The following LRP1 variants were observed in gnomAD, a reference collection of about 807,000 sequenced individuals.
The protein encoded by LRP1 is prolow-density lipoprotein receptor-related protein 1.
LRP1 carries 51 observed loss-of-function variants against 541.5 expected under a neutral mutation model. The ratio of observed to expected loss-of-function variants is 0.09; its 90% CI spans 0.08 to 0.12. LRP1 has a LOEUF of 0.12. Ranked by LOEUF, LRP1 falls within the 10% of genes least tolerant of loss-of-function variation. The probability of loss-of-function intolerance (pLI) is 1.00; values close to 1 mark genes in which losing one functional copy is unlikely to be tolerated. For missense variants in LRP1, 3,878 were observed against 6,376.2 expected (o/e 0.61, Z 13.34); for synonymous variants, 2,219 against 2,470.8 (o/e 0.90, Z 3.02).
Position 57,193,887 on chromosome 12 carries a change from G to A in LRP1, c.7805-12G>A. On this transcript the variant is annotated splice_polypyrimidine_tract_variant and intron_variant, in intron 47 of 88. Transcript: ENST00000243077. Reference sequence around the variant, plus strand: ...ACTCTGGCCTGACGATACGGGGCGGGCACTGTTCTAGAGACAGCCTGTGGT... The same window carrying A: ...ACTCTGGCCTGACGATACGGGGCGGACACTGTTCTAGAGACAGCCTGTGGT... 1 of 1,611,770 alleles carries A rather than the reference G, an allele frequency of 6.2e-7. No homozygotes were observed. Among genetic ancestry groups the A allele is most frequent in the Non-Finnish European group, 8.5e-7 (1 of 1,178,220 alleles).
At chr12:57,144,705 G>A in intron 4 of LRP1, 1 of 490,368 alleles carries the variant, frequency 2.0e-6, no homozygotes, top group Non-Finnish European at 3.7e-6. Flanking sequence ...GTTCACTGAT[G>A]CACCCCTGGC....
At position 57,165,869 on chromosome 12, in the gene LRP1, C is replaced by A; in HGVS notation, c.2595C>A (p.Arg865=). Residue 865 remains arginine (R), a synonymous_variant, in exon 16 of 89, where the codon CGC becomes CGA. Transcript: ENST00000243077. The surrounding 1 kb of genome is among the most constrained non-coding windows in gnomAD (Gnocchi z 4.5). ...GCGAGTTTGCCTGTGCCAACAGCCG[C>A]TGCATCCAGGAGCGCTGGAAGTGTG... is the stretch of plus-strand genomic sequence containing the variant. The part of the protein sequence containing the change: ...QPGEFACANS[R]CIQERWKCDG... 6.2e-7 allele frequency: 1 copy of A among 1,614,242 alleles called. No individual in the cohort carries two copies. Among genetic ancestry groups the A allele is most frequent in the Non-Finnish European group, 8.5e-7 (1 of 1,180,046 alleles).
Position 57,190,981 on chromosome 12 carries a change from G to A in LRP1, c.7208G>A (p.Arg2403Gln), listed in dbSNP as rs1357101794. ...GACGCCACCCTGGACAAGATCGAGC[G>A]GTGCGAGTATGACGGCTCCCACCGC... is the stretch of plus-strand genomic sequence containing the variant. ...FSDATLDKIERCEYDGSHRYV... is the reference protein window; with the variant it reads ...FSDATLDKIEQCEYDGSHRYV... Residue 2403 changes from arginine to glutamine, a missense_variant, in exon 43 of 89, where the codon CGG becomes CAG. Transcript: ENST00000243077. 4 of 1,612,060 alleles carry A rather than the reference G, an allele frequency of 2.5e-6. No individual in the cohort carries two copies. The highest frequency in any genetic ancestry group is 1.1e-5 in the South Asian group (1 of 91,066).
intron 53 of LRP1, 36 bp downstream of exon 53, chr12:57,195,816 C>G: frequency 6.2e-7 from 1 of 1,614,084 alleles, no homozygotes; most frequent in Non-Finnish European, 8.5e-7. Context: ...AGGCCCTGCC[C>G]TCTGCCGGGC....
chr12:57,190,845 A>C lies in LRP1; in HGVS notation c.7072A>C (p.Ile2358Leu). The change falls in exon 43 of 89, where the codon ATC becomes CTC. Residue 2358 changes from isoleucine to leucine, a missense_variant. Ile to Leu is a conservative substitution (Grantham distance 5). Coordinates refer to ENST00000243077, the MANE Select transcript of LRP1 (RefSeq NM_002332.3). ...CAACTGGAATGAGCAGCATCCCAGC[A>C]TCATGCGGGCGGCGCTCTCGGGAGC... ...WTNWNEQHPSIMRAALSGANV... is the reference protein window; with the variant it reads ...WTNWNEQHPSLMRAALSGANV... 6.2e-7 allele frequency: 1 copy of C among 1,613,952 alleles called. No individual in the cohort carries two copies. Among genetic ancestry groups the C allele is most frequent in the South Asian group, 1.1e-5 (1 of 91,086 alleles).
Position 57,156,817 on chromosome 12 carries a change from G to A in LRP1, c.1458G>A (p.Pro486=), listed in dbSNP as rs138966453. 651 of 1,609,352 alleles carry A rather than the reference G, an allele frequency of 4.0e-4. 2 individuals are homozygous for A. Among genetic ancestry groups the A allele is most frequent in the South Asian group, 2.2e-3 (199 of 90,814 alleles). ...GTGAAAACGACCAGTATGGGAAGCC[G>A]GGTGGCTGCTCTGACATCTGCCTGC... The part of the protein sequence containing the change: ...HACENDQYGK[P]GGCSDICLLA... The change falls in exon 10 of 89, where the codon CCG becomes CCA. Residue 486 remains proline (P), a synonymous_variant. Coordinates refer to ENST00000243077, the MANE Select transcript of LRP1 (RefSeq NM_002332.3). This position sits in a 1 kb window ranked among gnomAD's most constrained non-coding sequence, Gnocchi z 5.2.
At chr12:57,166,845 A>C in intron 17 of LRP1, 85 bp from the exon 18 acceptor site, 1 of 758,610 alleles carries the variant, frequency 1.3e-6, no homozygotes, top group Non-Finnish European at 2.3e-6. Flanking sequence ...AATAAGGGAC[A>C]CCAAAGGCAG....
chr12:57,200,828 CCG>C lies in LRP1; in HGVS notation c.10225+15_10225+16del. 1.3e-6 allele frequency: 1 copy of C among 773,830 alleles called. No homozygotes were observed. The highest frequency in any genetic ancestry group is 2.0e-6 in the Non-Finnish European group (1 of 497,830). The allele number at this position is 773,830 out of a possible 1,614,324, so 47.9% of individuals were successfully genotyped here. On this transcript the variant is annotated intron_variant, in intron 64 of 88. Transcript: ENST00000243077. ...GAGGCCAACTGTGGTAAGGCGCTGC[CCG>C]CCCACCCTCCCTCCTTCCCCAGCAT... is the stretch of plus-strand genomic sequence containing the variant.
rs199849391 is a variant in LRP1, at chr12:57,212,300, C to T, written c.13494+39C>T. On this transcript the variant is annotated intron_variant, in intron 88 of 88. Coordinates refer to ENST00000243077, the MANE Select transcript of LRP1 (RefSeq NM_002332.3). The surrounding 1 kb of genome is among the most constrained non-coding windows in gnomAD (Gnocchi z 5.0). The stretch of plus-strand genomic sequence containing the variant: ...CGGGCAGGGTCGAGTGCCAAGAGGC[C>T]GTGGGTGGCCTAACCAAAGGTGTTG... The T allele has an allele frequency of 9.3e-6, 15 of 1,611,540 alleles. No individual in the cohort carries two copies. The highest frequency in any genetic ancestry group is 4.5e-5 in the East Asian group (2 of 44,848).
rs34702781 is a variant in LRP1 at position 57,137,241 on chromosome 12, C to CAA, written c.68-1203_68-1202dup. ...GGGCAACAAGAGCAAAACTCTGTCTCAAAAAAAAAAAAAAAACAACAGAGT... is the reference window on the plus strand; with the variant it reads ...GGGCAACAAGAGCAAAACTCTGTCTCAAAAAAAAAAAAAAAAAACAACAGAGT... On this transcript the variant is annotated intron_variant, in intron 1 of 88. Coordinates refer to ENST00000243077, the MANE Select transcript of LRP1 (RefSeq NM_002332.3). Among the ~76,000 whole-genome samples, 229 of 101,016 alleles carry CAA rather than the reference C, an allele frequency of 2.3e-3. 2 individuals are homozygous for CAA. Among genetic ancestry groups the CAA allele is most frequent in the South Asian group, 5.4e-3 (18 of 3,312 alleles). 66.3% of individuals were successfully genotyped at this position (101,016 alleles called of 152,430 possible). A position where few individuals can be genotyped will look rare whatever the true frequency, so the allele number is the denominator to read the frequency against.
At chr12:57,191,268 CT>C in intron 43 of LRP1, 51 bp from the exon 44 acceptor site, 1 of 1,526,074 alleles carries the variant, frequency 6.6e-7, no homozygotes, top group Admixed American at 1.9e-5. Context: ...CCGGTGGAGA[CT>C]GGGCAAGAGG....
Position 57,193,310 on chromosome 12 carries a change from G to C in LRP1, c.7684+6G>C. Reference sequence around the variant, plus strand: ...TGAGAAGCCATCCTACTGCAGTAAGGAGCCCCCTGCAGCCCCTGCCTCTTC... The same window carrying C: ...TGAGAAGCCATCCTACTGCAGTAAGCAGCCCCCTGCAGCCCCTGCCTCTTC... On this transcript the variant is annotated splice_donor_region_variant and intron_variant, in intron 46 of 88. Coordinates refer to ENST00000243077, the MANE Select transcript of LRP1 (RefSeq NM_002332.3). 1 of 1,609,986 alleles carries C rather than the reference G, an allele frequency of 6.2e-7. No homozygotes were observed. The highest frequency in any genetic ancestry group is 8.5e-7 in the Non-Finnish European group (1 of 1,179,966).
chr12:57,183,250 G>C lies in LRP1; in HGVS notation c.5663-129G>C. The C allele has an allele frequency of 1.9e-6, 2 of 1,070,310 alleles. No homozygotes were observed. The highest frequency in any genetic ancestry group is 4.5e-5 in the Admixed American group (2 of 44,078). 66.3% of individuals were successfully genotyped at this position (1,070,310 alleles called of 1,614,324 possible). A position where few individuals can be genotyped will look rare whatever the true frequency, so the allele number is the denominator to read the frequency against. ...CCTCAGGCTAGGGTGTGTGTGCTGG[G>C]TGGAGGATAGGGATGATGGTGGGGG... On this transcript the variant is annotated intron_variant, in intron 34 of 88. Transcript: ENST00000243077. This position sits in a 1 kb window ranked among gnomAD's most constrained non-coding sequence, Gnocchi z 6.1.
Position 57,211,044 on chromosome 12 carries a change from G to A in LRP1, c.12917-132G>A. 1 of 1,375,388 alleles carries A rather than the reference G, an allele frequency of 7.3e-7. No individual in the cohort carries two copies. The allele number at this position is 1,375,388 out of a possible 1,614,324, so 85.2% of individuals were successfully genotyped here. On this transcript the variant is annotated intron_variant, in intron 83 of 88. Coordinates refer to ENST00000243077, the MANE Select transcript of LRP1 (RefSeq NM_002332.3). This position sits in a 1 kb window ranked among gnomAD's most constrained non-coding sequence, Gnocchi z 4.3. ...AAGCTGCTGGCGCTTCCCCACAAAG[G>A]TGCTGGCACACTTCCCCTGAGGCAG...
In LRP1 at chr12:57,206,607, G is replaced by A. The variant is rs139727127; in HGVS notation, c.11725G>A (p.Val3909Ile). The change falls in exon 76 of 89, where the codon GTC (valine) becomes ATC (isoleucine). Residue 3909 changes from valine (V) to isoleucine (I), a missense_variant. Physicochemically the swap from Val to Ile is conservative, Grantham distance 29. Transcript: ENST00000243077. This position sits in a 1 kb window ranked among gnomAD's most constrained non-coding sequence, Gnocchi z 4.7. Reference protein sequence around the residue: ...SVRIDAMDVHVKAGRVYWTNW... With the variant: ...SVRIDAMDVHIKAGRVYWTNW... ...CCGCATTGATGCTATGGATGTCCATGTCAAGGCTGGCCGTGTCTATTGGAC... is the reference window on the plus strand; with the variant it reads ...CCGCATTGATGCTATGGATGTCCATATCAAGGCTGGCCGTGTCTATTGGAC... The A allele has an allele frequency of 3.5e-5, 56 of 1,614,076 alleles. No homozygotes were observed. The African/African-American group carries it at 7.1e-4, about 20-fold the overall frequency.
intron 20 of LRP1, among the ~76,000 whole-genome samples, chr12:57,171,271 G>T (rs2035939242): frequency 6.6e-6 from 1 of 152,226 alleles, no homozygotes; most frequent in Non-Finnish European, 1.5e-5. Context: ...ATTGGTAGCA[G>T]TTGTTAACTA....
intron 76 of LRP1, among the ~76,000 whole-genome samples, 158 bp from the exon 77 acceptor site, chr12:57,207,880 G>C (rs1022545153): frequency 6.6e-6 from 1 of 152,228 alleles, no homozygotes; most frequent in Non-Finnish European, 1.5e-5. Context: ...TGAGAGCTGC[G>C]AGTCTGGCGC....
chr12:57,179,510 G>C lies in LRP1; in HGVS notation c.4920G>C (p.Lys1640Asn). Residue 1640 changes from lysine (K) to asparagine (N), a missense_variant, in exon 29 of 89, where the codon AAG becomes AAC. This residue lies in a region of LRP1 where 394 missense variants were observed against 635.9 expected (regional missense o/e 0.62). Coordinates refer to ENST00000243077, the MANE Select transcript of LRP1 (RefSeq NM_002332.3). This position sits in a 1 kb window ranked among gnomAD's most constrained non-coding sequence, Gnocchi z 6.8. ...CTGACGTGCGGACACAGGCCATCAA[G>C]CGGGCCTTCATCAACGGCACAGGCG... ...YWSDVRTQAI[K>N]RAFINGTGVE... The C allele has an allele frequency of 6.2e-7, 1 of 1,614,200 alleles. No homozygotes were observed. Among genetic ancestry groups the C allele is most frequent in the East Asian group, 2.2e-5 (1 of 44,882 alleles).
chr12:57,195,029 T>C lies in LRP1; in HGVS notation c.8236T>C (p.Cys2746Arg). ...CCAGTTTGAGTGCCAGAACCATCGCTGCATCTCCAAGCAGTGGCTGTGTGA... is the reference window on the plus strand; with the variant it reads ...CCAGTTTGAGTGCCAGAACCATCGCCGCATCTCCAAGCAGTGGCTGTGTGA... ...EAQFECQNHR[C>R]ISKQWLCDGS... The change falls in exon 51 of 89, where the codon TGC becomes CGC. Residue 2746 changes from cysteine (C) to arginine (R), a missense_variant. Cys to Arg is a radical substitution (Grantham distance 180). This residue lies in a region of LRP1 where 1,100 missense variants were observed against 1,827.4 expected (regional missense o/e 0.60). Transcript: ENST00000243077. 1 of 1,614,054 alleles carries C rather than the reference T, an allele frequency of 6.2e-7. No individual in the cohort carries two copies. Among genetic ancestry groups the C allele is most frequent in the East Asian group, 2.2e-5 (1 of 44,872 alleles).
Sources: allele counts gnomAD v4.1 joint callset (sites outside exome capture counted in the v4.1 genomes callset), GRCh38; gene constraint gnomAD v4.1.1; regional missense constraint gnomAD v4.1.1; non-coding constraint Gnocchi (gnomAD v3.1); transcripts MANE v1.5; gene names NCBI Gene and HGNC (gene_info 2026-07-23, HGNC 2026-07-21).